The following MAP4K2 variants were observed in gnomAD, a reference collection of about 807,000 sequenced individuals.
MAP4K2 encodes the protein mitogen-activated protein kinase kinase kinase kinase 2, also known as B lymphocyte serine/threonine protein kinase.
MAP4K2 carries 85 observed loss-of-function variants against 125.3 expected under a neutral mutation model. The observed-to-expected ratio is 0.68, with a 90% confidence interval of 0.57 to 0.81. The LOEUF (loss-of-function observed/expected upper bound fraction) is 0.81. MAP4K2 is among the 40% of genes least tolerant of loss of function. The pLI is 0.00. For synonymous variants in MAP4K2, 479 were observed against 445.1 expected (o/e 1.08, Z -0.96); for missense variants, 923 against 1,056.4 (o/e 0.87, Z 1.75).
intron 24 of MAP4K2, 85 bp downstream of exon 24, chr11:64,796,188 T>G: frequency 8.1e-7 from 1 of 1,237,526 alleles, no homozygotes. Flanking sequence ...CTAAGATTGC[T>G]GCAATCCCAG....
Position 64,800,844 on chromosome 11 carries a change from T to C in MAP4K2, c.663-18A>G. 2 of 1,613,400 alleles carry C rather than the reference T, an allele frequency of 1.2e-6. No homozygotes were observed. Among genetic ancestry groups the C allele is most frequent in the Non-Finnish European group, 1.7e-6 (2 of 1,179,800 alleles). On this transcript the variant is annotated intron_variant, in intron 9 of 31. Transcript: ENST00000294066. ...TCAGGGCCCTGTGGAGGGCGCGAGG[T>C]CAGGGGCCACAGGCCGCAGATCAAG... is the stretch of plus-strand genomic sequence containing the variant.
chr11:64,802,796 G>A (rs1941301663), intron 2 of MAP4K2, 89 bp downstream of exon 2: 7 of 1,495,590 alleles, frequency 4.7e-6, no homozygotes, highest in Admixed American at 1.9e-5. Flanking sequence ...CCTCTCAGGG[G>A]TCTCGGAAAC....
intron 4 of MAP4K2, 149 bp from the exon 5 acceptor site, chr11:64,802,270 A>G: frequency 9.3e-7 from 1 of 1,072,318 alleles, no homozygotes; most frequent in East Asian, 2.6e-5. Flanking sequence ...TACTGAACCC[A>G]GAGATGGACA....
At position 64,798,842 on chromosome 11, in the gene MAP4K2, G is replaced by A. The variant is rs1442268746; in HGVS notation, c.1054-5C>T. ...TAGTGTCCACTCTTCCTCCCACTGG[G>A]GGAAACCAAGGTAGAGACCGGGGAA... On this transcript the variant is annotated splice_polypyrimidine_tract_variant and splice_region_variant and intron_variant, in intron 14 of 31. Transcript: ENST00000294066. 2 of 1,598,282 alleles carry A rather than the reference G, an allele frequency of 1.3e-6. No homozygotes were observed. Among genetic ancestry groups the A allele is most frequent in the Non-Finnish European group, 8.5e-7 (1 of 1,172,056 alleles).
rs150751565 is a variant in MAP4K2 at position 64,800,333 on chromosome 11, G to A, written c.785C>T (p.Pro262Leu). 7.4e-6 allele frequency: 12 copies of A among 1,613,946 alleles called. No homozygotes were observed. Among genetic ancestry groups the A allele is most frequent in the Admixed American group, 5.0e-5 (3 of 60,006 alleles). ...LALTKNPKKRPTAEKLLQHPF... is the reference protein window; with the variant it reads ...LALTKNPKKRLTAEKLLQHPF... Reference sequence around the variant, plus strand: ...CACCTGCAGGAGCTTCTCTGCTGTCGGCCTCTTCTTAGGATTCTTGGTCAG... The same window carrying A: ...CACCTGCAGGAGCTTCTCTGCTGTCAGCCTCTTCTTAGGATTCTTGGTCAG... Residue 262 changes from proline (P) to leucine (L), a missense_variant, in exon 11 of 32, where the codon CCG becomes CTG. Transcript: ENST00000294066.
At chr11:64,802,761 A>T in intron 2 of MAP4K2, 108 bp from the exon 3 acceptor site, 2 of 1,441,468 alleles carry the variant, frequency 1.4e-6, no homozygotes, top group Admixed American at 3.8e-5. Context: ...AGGCAGGTGC[A>T]GGTGACAGCA....
rs1212207040 is a variant in MAP4K2 at position 64,800,135 on chromosome 11, G to A, written c.889C>T (p.Pro297Ser). ...DKASDPHLGT[P>S]SPEDCELETY... Reference sequence around the variant, plus strand: ...TCCAGCTCACAGTCCTCAGGGGAGGGGGTCCCCAGATGAGGGTCACTGGCT... The same window carrying A: ...TCCAGCTCACAGTCCTCAGGGGAGGAGGTCCCCAGATGAGGGTCACTGGCT... Residue 297 changes from proline (P) to serine (S), a missense_variant, in exon 12 of 32, where the codon CCC becomes TCC. Transcript: ENST00000294066. 1 of 1,611,210 alleles carries A rather than the reference G, an allele frequency of 6.2e-7. No homozygotes were observed. Among genetic ancestry groups the A allele is most frequent in the Non-Finnish European group, 8.5e-7 (1 of 1,179,068 alleles).
rs755496188 is a variant in MAP4K2 at position 64,792,342 on chromosome 11, C to T, written c.1810+22G>A. The T allele has an allele frequency of 9.4e-5, 146 of 1,555,978 alleles. No homozygotes were observed. The South Asian group carries it at 1.6e-3, about 17-fold the overall frequency. On this transcript the variant is annotated intron_variant, in intron 25 of 31. Coordinates refer to ENST00000294066, the MANE Select transcript of MAP4K2 (RefSeq NM_004579.5). ...CTGCCCCCCACCAGGCCCCGCCCCA[C>T]CCCGCCCAGCCCATTTCTTACCCAC...
chr11:64,799,785 G>A, intron 12 of MAP4K2, 102 bp from the exon 13 acceptor site: 2 of 892,736 alleles, frequency 2.2e-6, no homozygotes, highest in Non-Finnish European at 3.6e-6. Flanking sequence ...TTTCATGACA[G>A]CCCTCTGGGA....
Position 64,797,200 on chromosome 11 carries a change from C to T in MAP4K2, c.1277-8G>A, listed in dbSNP as rs1940862731. On this transcript the variant is annotated splice_polypyrimidine_tract_variant and splice_region_variant and intron_variant, in intron 18 of 31. Coordinates refer to ENST00000294066, the MANE Select transcript of MAP4K2 (RefSeq NM_004579.5). The stretch of plus-strand genomic sequence containing the variant: ...GAGGTGGGGGCAGGGTTCCTGCAGG[C>T]ACAGGCGTGCTGTAATTTCCTGCTG... The T allele has an allele frequency of 6.2e-7, 1 of 1,612,544 alleles. No homozygotes were observed. The highest frequency in any genetic ancestry group is 1.7e-5 in the Admixed American group (1 of 59,880).
chr11:64,797,658 C>T lies in MAP4K2; in HGVS notation c.1104G>A (p.Leu368=). Residue 368 remains leucine, a synonymous_variant, in exon 16 of 32, where the codon CTG becomes CTA. Coordinates refer to ENST00000294066, the MANE Select transcript of MAP4K2 (RefSeq NM_004579.5). ...LLGKEELSGS[L]LQSVQEALEE... is the part of the protein sequence containing the mutation. ...CCAGGGCCTCCTGGACCGACTGCAG[C>T]AGGCTCCTGGGCAGTGGGGAAAAGG... 1 of 1,570,006 alleles carries T rather than the reference C, an allele frequency of 6.4e-7. No homozygotes were observed. The highest frequency in any genetic ancestry group is 8.6e-7 in the Non-Finnish European group (1 of 1,156,814).
Position 64,802,080 on chromosome 11 carries a change from G to A in MAP4K2, c.352C>T (p.Arg118Ter), listed in dbSNP as rs769712585. 1.9e-5 allele frequency: 30 copies of A among 1,612,538 alleles called. No homozygotes were observed. In the Admixed American group the frequency reaches 3.2e-4, roughly 17 times the overall value. ...LEERQIAYVC[R>*]EALKGLHHLH... is the part of the protein sequence containing the mutation. Reference sequence around the variant, plus strand: ...GGCCCAGCTACCTTCAGTGCCTCTCGGCAGACGTAGGCAATCTGCCGCTCC... The same window carrying A: ...GGCCCAGCTACCTTCAGTGCCTCTCAGCAGACGTAGGCAATCTGCCGCTCC... The change falls in exon 5 of 32, where the codon CGA becomes TGA. Residue 118 changes from arginine to a stop codon, truncating the protein, a stop_gained. Transcript: ENST00000294066. LOFTEE classifies it high-confidence loss of function.
chr11:64,797,259 C>A lies in MAP4K2; in HGVS notation c.1276+16G>T, dbSNP rs889791838. 40 of 1,599,278 alleles carry A rather than the reference C, an allele frequency of 2.5e-5. No homozygotes were observed. Among genetic ancestry groups the A allele is most frequent in the Non-Finnish European group, 3.3e-5 (39 of 1,172,994 alleles). On this transcript the variant is annotated intron_variant, in intron 18 of 31. Coordinates refer to ENST00000294066, the MANE Select transcript of MAP4K2 (RefSeq NM_004579.5). ...ACCCTGGGGCTGCCTCCTGGCCTCC[C>A]AAGCCTGAGACTCACCTGGGGGACT...
At position 64,788,614 on chromosome 11, in the gene MAP4K2, T is replaced by C. The variant is rs1940302327; in HGVS notation, c.*923A>G. The C allele has an allele frequency of 6.6e-6, 1 of 151,882 alleles. No homozygotes were observed. Among genetic ancestry groups the C allele is most frequent in the African/African-American group, 2.4e-5 (1 of 41,290 alleles). 9.4% of individuals were successfully genotyped at this position (151,882 alleles called of 1,614,324 possible). On this transcript the variant is annotated 3_prime_UTR_variant, in exon 32 of 32. Coordinates refer to ENST00000294066, the MANE Select transcript of MAP4K2 (RefSeq NM_004579.5). ...CTGGCACTGAGGCAGCCCTTGGGAG[T>C]CTGGTAGACGGACACAGGCTAGCCT...
chr11:64,797,395 A>G lies in MAP4K2; in HGVS notation c.1171-15T>C. Reference sequence around the variant, plus strand: ...GAGTCCAGCTCCTGGTAGGAGGGGCAGGGCCCAGCCCGGCCGTTACCAGGT... The same window carrying G: ...GAGTCCAGCTCCTGGTAGGAGGGGCGGGGCCCAGCCCGGCCGTTACCAGGT... On this transcript the variant is annotated splice_polypyrimidine_tract_variant and intron_variant, in intron 17 of 31. Transcript: ENST00000294066. 1 of 1,571,238 alleles carries G rather than the reference A, an allele frequency of 6.4e-7. No homozygotes were observed. Among genetic ancestry groups the G allele is most frequent in the Non-Finnish European group, 8.6e-7 (1 of 1,157,720 alleles).
chr11:64,796,807 AC>A lies in MAP4K2; in HGVS notation c.1492+1del, dbSNP rs765047829. On this transcript the variant is annotated splice_donor_variant, in intron 21 of 31. Transcript: ENST00000294066. LOFTEE classifies it high-confidence loss of function. Reference sequence around the variant, plus strand: ...TCCCGCTTCCTCCCTGCCCCCACCTACCCCGAGTAACAGGGTGAATCCAGGT... The same window carrying A: ...TCCCGCTTCCTCCCTGCCCCCACCTACCCGAGTAACAGGGTGAATCCAGGT... The A allele has an allele frequency of 1.5e-5, 25 of 1,613,394 alleles. No individual in the cohort carries two copies. The highest frequency in any genetic ancestry group is 2.0e-5 in the Non-Finnish European group (24 of 1,179,984).
At chr11:64,802,813 C>T in intron 2 of MAP4K2, 72 bp downstream of exon 2, 1 of 1,529,444 alleles carries the variant, frequency 6.5e-7, no homozygotes, top group East Asian at 2.4e-5. Context: ...AAACGTCAAC[C>T]CTCCGCCCGC....
In MAP4K2 at chr11:64,796,298, G is replaced by A. The variant is rs781359920; in HGVS notation, c.1726C>T (p.Arg576Cys). 3.3e-6 allele frequency: 5 copies of A among 1,538,308 alleles called. No individual in the cohort carries two copies. The highest frequency in any genetic ancestry group is 2.0e-5 in the Admixed American group (1 of 49,626). Residue 576 changes from arginine (R) to cysteine (C), a missense_variant, in exon 24 of 32, where the codon CGC (arginine) becomes TGC (cysteine). By Grantham distance (180) the Arg-to-Cys change is radical. This residue lies in a region of MAP4K2 where 833 missense variants were observed against 911.4 expected (regional missense o/e 0.91). Transcript: ENST00000294066. ...QQVPLSIPTN[R>C]LTQRIIPRRF... ...CTGGGGATGATGCGCTGGGTGAGGC[G>A]GTTGGTGGGGATGGAGAGGGGAACC...
rs1452672885 is a variant in MAP4K2 at position 64,791,947 on chromosome 11, AG to A, written c.2053del (p.Leu685TrpfsTer5). On this transcript the variant is annotated frameshift_variant, in exon 27 of 32. Coordinates refer to ENST00000294066, the MANE Select transcript of MAP4K2 (RefSeq NM_004579.5). LOFTEE classifies it high-confidence loss of function. ...GATGTCGGGCGTCAGGCCAGCCTCC[AG>A]GGGCAGGACATGGAACAGGACGCGG... Reference protein sequence around the residue: ...GCRVLFHVLPLEAGLTPDILI... With the variant: ...GCRVLFHVLPXEAGLTPDILI... 6.2e-7 allele frequency: 1 copy of A among 1,604,772 alleles called. No individual in the cohort carries two copies. The highest frequency in any genetic ancestry group is 1.1e-5 in the South Asian group (1 of 89,610).
Sources: allele counts gnomAD v4.1 joint callset, GRCh38; gene constraint gnomAD v4.1.1; regional missense constraint gnomAD v4.1.1; transcripts MANE v1.5; gene names NCBI Gene and HGNC (gene_info 2026-07-23, HGNC 2026-07-21).